The following ESRRB variants were observed in gnomAD, a reference collection of about 807,000 sequenced individuals.
The protein encoded by ESRRB is steroid hormone receptor ERR2.
In ESRRB, 16 loss-of-function variants were observed where a neutral mutation model predicts 46.0. The observed-to-expected ratio is 0.35, with a 90% CI of 0.24 to 0.53. The LOEUF (loss-of-function observed/expected upper bound fraction) is 0.53. Ranked by LOEUF, ESRRB falls within the 20% of genes least tolerant of loss-of-function variation. The probability of loss-of-function intolerance (pLI) is 0.93; values close to 1 mark genes in which losing one functional copy is unlikely to be tolerated. For missense variants in ESRRB, 488 were observed against 607.4 expected (o/e 0.80, Z 2.07); for synonymous variants, 246 against 259.6 (o/e 0.95, Z 0.50).
At chr14:76,417,141 A>G (rs374478804) in intron 1 of ESRRB, among the ~76,000 whole-genome samples, 1 of 152,164 alleles carries the variant, frequency 6.6e-6, no homozygotes, top group East Asian at 1.9e-4. Flanking sequence ...CATCTCAAAA[A>G]CAAAAAAAGA....
intron 5 of ESRRB, among the ~76,000 whole-genome samples, chr14:76,483,592 A>G (rs1439848599): frequency 6.6e-6 from 1 of 152,132 alleles, no homozygotes; most frequent in African/African-American, 2.4e-5. Flanking sequence ...AGACACCAAC[A>G]CCCATGTATT....
chr14:76,469,929 G>GTTTTTTTTTTTTTTTT (rs769935944), intron 3 of ESRRB, among the ~76,000 whole-genome samples: 26 of 78,718 alleles, frequency 3.3e-4, no homozygotes, highest in Non-Finnish European at 4.5e-4. Context: ...GTTTTTTGTT[G>GTTTTTTTTTTTTTTTT]TTTTTTTTTT....
chr14:76,353,532 G>C (rs952305198), intron 1 of ESRRB, among the ~76,000 whole-genome samples: 1 of 152,150 alleles, frequency 6.6e-6, no homozygotes, highest in African/African-American at 2.4e-5. Context: ...CTAAGCATGT[G>C]CCAGGCACTG....
At chr14:76,498,113 C>A in intron 6 of ESRRB, 101 bp from the exon 7 acceptor site, 4 of 1,377,380 alleles carry the variant, frequency 2.9e-6, no homozygotes, top group Non-Finnish European at 4.1e-6. Flanking sequence ...TCTGAAGATA[C>A]CCCTGCCTGC....
chr14:76,410,566 T>G (rs1035384798), intron 1 of ESRRB, among the ~76,000 whole-genome samples: 2 of 152,138 alleles, frequency 1.3e-5, no homozygotes, highest in Non-Finnish European at 2.9e-5. Flanking sequence ...ATTTTACAGA[T>G]GGAGAATGGA....
Position 76,358,325 on chromosome 14 carries a change from AAGAAAGAAAGAAAGAAAGAAAG to A in ESRRB, c.2+47411_2+47432del, listed in dbSNP as rs1884412197. Reference sequence around the variant, plus strand: ...AGACTCTGTCTCAAAAAAAAAAAAAAAGAAAGAAAGAAAGAAAGAAAGAAAGAAAGAAAGAAAGAAAGAAAGA... The same window carrying A: ...AGACTCTGTCTCAAAAAAAAAAAAAAAAAGAAAGAAAGAAAGAAAGAAAGA... On this transcript the variant is annotated intron_variant, in intron 1 of 6. Transcript: ENST00000512784. 8.6e-4 allele frequency among the ~76,000 whole-genome samples: 13 copies of A among 15,094 alleles called. 1 individual carries two copies. Among genetic ancestry groups the A allele is most frequent in the African/African-American group, 2.7e-3 (12 of 4,448 alleles). The allele number at this position is 15,094 out of a possible 152,430, so 9.9% of individuals were successfully genotyped here.
At chr14:76,346,096 C>T (rs1884246560) in intron 1 of ESRRB, among the ~76,000 whole-genome samples, 1 of 152,068 alleles carries the variant, frequency 6.6e-6, no homozygotes, top group Non-Finnish European at 1.5e-5. Flanking sequence ...CATTAGGGCC[C>T]GCTTTAATCT....
intron 6 of ESRRB, 23 bp downstream of exon 6, chr14:76,491,739 G>A (rs1890241765): frequency 6.4e-7 from 1 of 1,558,272 alleles, no homozygotes; most frequent in African/African-American, 1.3e-5. Flanking sequence ...GCGGGGCCTG[G>A]AAGGGGAGCT....
chr14:76,490,844 G>A (rs1269358437), intron 5 of ESRRB, among the ~76,000 whole-genome samples: 7 of 152,210 alleles, frequency 4.6e-5, no homozygotes, highest in Admixed American at 1.3e-4. Flanking sequence ...CTGTGAGAAA[G>A]TGCCCCTGAC....
intron 1 of ESRRB, among the ~76,000 whole-genome samples, chr14:76,332,742 ATT>A (rs375719244): frequency 5.6e-5 from 1 of 17,762 alleles, no homozygotes; most frequent in Non-Finnish European, 8.7e-5. Flanking sequence ...TATATTATAT[ATT>A]TATATATTAT....
rs188936758 is a variant in ESRRB at position 76,353,585 on chromosome 14, A to G, written c.2+42669A>G. Among the ~76,000 whole-genome samples the G allele has an allele frequency of 1.4e-4, 21 of 152,302 alleles. No individual in the cohort carries two copies. In the East Asian group the frequency reaches 4.1e-3, roughly 29 times the overall value. On this transcript the variant is annotated intron_variant, in intron 1 of 6. Transcript: ENST00000512784. ...ATATAACTCATTTTATCTGGACAAG[A>G]GAAGAAACTATAAGTACAGGAGAGC...
chr14:76,440,547 A>ACCTTCCTTCATT (rs1887876564), intron 2 of ESRRB, among the ~76,000 whole-genome samples: 1 of 150,990 alleles, frequency 6.6e-6, no homozygotes, highest in African/African-American at 2.4e-5. Flanking sequence ...TTTAAGACCG[A>ACCTTCCTTCATT]CCTTCCTTCA....
chr14:76,335,040 C>G (rs548048451), intron 1 of ESRRB, among the ~76,000 whole-genome samples: 1 of 152,302 alleles, frequency 6.6e-6, no homozygotes, highest in Non-Finnish European at 1.5e-5. Flanking sequence ...TTGGTAGTAC[C>G]TGGTGATTGG....
At chr14:76,362,713 C>T (rs752462174) in intron 1 of ESRRB, among the ~76,000 whole-genome samples, 2 of 152,176 alleles carry the variant, frequency 1.3e-5, no homozygotes, top group African/African-American at 2.4e-5. Flanking sequence ...TCATTTCCAA[C>T]GCATGCTCCG....
intron 1 of ESRRB, among the ~76,000 whole-genome samples, chr14:76,389,067 A>T (rs531706505): frequency 6.6e-6 from 1 of 152,276 alleles, no homozygotes; most frequent in East Asian, 1.9e-4. Flanking sequence ...GCGTATCTTC[A>T]GTTCTTCCCT....
At chr14:76,400,982 G>A (rs1885917743) in intron 1 of ESRRB, among the ~76,000 whole-genome samples, 1 of 152,168 alleles carries the variant, frequency 6.6e-6, no homozygotes, top group African/African-American at 2.4e-5. Context: ...CTGGCCTCTT[G>A]CAGGGAGTTG....
At chr14:76,464,636 A>T (rs761858932) in intron 3 of ESRRB, among the ~76,000 whole-genome samples, 20 of 152,174 alleles carry the variant, frequency 1.3e-4, no homozygotes, top group Non-Finnish European at 2.5e-4. Flanking sequence ...GCTCAACCGA[A>T]AAAACAGTCT....
chr14:76,469,954 T>G (rs1460432306), intron 3 of ESRRB, among the ~76,000 whole-genome samples: 1 of 138,740 alleles, frequency 7.2e-6, no homozygotes, highest in Admixed American at 7.1e-5. Context: ...CTTTTTTTTT[T>G]TTTTTTTTTT....
intron 1 of ESRRB, among the ~76,000 whole-genome samples, chr14:76,361,740 C>G (rs941288805): frequency 1.3e-5 from 2 of 152,218 alleles, no homozygotes; most frequent in African/African-American, 4.8e-5. Flanking sequence ...ATGGTCCTAA[C>G]TATGTGGCCT....
Sources: gnomAD v4.1 joint callset for allele counts (sites outside exome capture counted in the v4.1 genomes callset) on GRCh38, gnomAD v4.1.1 for gene constraint, MANE v1.5 for transcripts, NCBI Gene and HGNC (gene_info 2026-07-23, HGNC 2026-07-21) for gene names.